Variants in ITPRID1 observed in about 807,000 individuals in gnomAD.
ITPRID1 encodes protein ITPRID1.
ITPRID1 carries 96 observed loss-of-function variants against 95.4 expected under a neutral mutation model. That is an observed-to-expected ratio of 1.01 (90% confidence interval 0.85 to 1.19). The LOEUF is 1.19. Ranked by LOEUF, ITPRID1 falls within the 50% of genes most tolerant of loss-of-function variation. The pLI, the probability that ITPRID1 is intolerant of heterozygous loss-of-function variation, is 0.00. For missense variants in ITPRID1, 1,339 were observed against 1,252.9 expected (o/e 1.07, Z -1.04); for synonymous variants, 510 against 453.6 (o/e 1.12, Z -1.58).
At chr7:31,614,936 C>CA (rs1157465124) in intron 10 of ITPRID1, among the ~76,000 whole-genome samples, 3 of 152,156 alleles carry the variant, frequency 2.0e-5, no homozygotes, top group Non-Finnish European at 4.4e-5. Context: ...CACCACACCT[C>CA]ACTGAGGGTC....
At chr7:31,521,620 C>T (rs217160) in intron 1 of ITPRID1, among the ~76,000 whole-genome samples, 5,664 of 69,568 alleles carry the variant, frequency 0.081, 448 homozygotes, top group South Asian at 0.17. Context: ...TCTCCTTTCC[C>T]TCCTTCCTTC....
intron 8 of ITPRID1, among the ~76,000 whole-genome samples, chr7:31,575,630 C>T (rs913640735): frequency 1.3e-5 from 2 of 152,132 alleles, no homozygotes; most frequent in Non-Finnish European, 2.9e-5. Context: ...TACAAAAGGC[C>T]TCTTGGAGAA....
At position 31,574,412 on chromosome 7, in the gene ITPRID1, C is replaced by T. The variant is rs866264014; in HGVS notation, c.396-128C>T. On this transcript the variant is annotated intron_variant, in intron 7 of 14. Coordinates refer to ENST00000615280, the MANE Select transcript of ITPRID1 (RefSeq NM_001257967.3). ...GTAAGTATATAGGAACGCTAGTGCACGCACCGTTTGTCTATTTAGGATCCT... is the reference window on the plus strand; with the variant it reads ...GTAAGTATATAGGAACGCTAGTGCATGCACCGTTTGTCTATTTAGGATCCT... 1.9e-4 allele frequency: 156 copies of T among 802,392 alleles called. No homozygotes were observed. In the Middle Eastern group the frequency reaches 5.6e-3, roughly 29 times the overall value. The allele number at this position is 802,392 out of a possible 1,614,324, so 49.7% of individuals were successfully genotyped here.
At chr7:31,529,051 C>T (rs1017444227) in intron 1 of ITPRID1, among the ~76,000 whole-genome samples, 1 of 152,144 alleles carries the variant, frequency 6.6e-6, no homozygotes, top group Non-Finnish European at 1.5e-5. Flanking sequence ...AATGTGAAAT[C>T]GTCTCATCTC....
chr7:31,645,818 A>G (rs1392045013), intron 12 of ITPRID1, among the ~76,000 whole-genome samples: 1 of 151,404 alleles, frequency 6.6e-6, no homozygotes, highest in Non-Finnish European at 1.5e-5. Flanking sequence ...AAAACATCCT[A>G]AAATACAGAG....
intron 1 of ITPRID1, among the ~76,000 whole-genome samples, chr7:31,524,758 CT>C (rs1196807989): frequency 1.3e-5 from 2 of 152,144 alleles, no homozygotes; most frequent in African/African-American, 4.8e-5. Context: ...CACCTATCCT[CT>C]GTTATCTTAG....
intron 12 of ITPRID1, among the ~76,000 whole-genome samples, chr7:31,649,685 C>T (rs1004147191): frequency 2.6e-5 from 4 of 152,094 alleles, no homozygotes; most frequent in African/African-American, 9.7e-5. Flanking sequence ...TACTCAAAGT[C>T]AAATGGTTAG....
At chr7:31,533,186 G>C (rs898136578) in intron 1 of ITPRID1, among the ~76,000 whole-genome samples, 1 of 152,034 alleles carries the variant, frequency 6.6e-6, no homozygotes, top group South Asian at 2.1e-4. Context: ...TTTCTTCAAT[G>C]CATATGAAGC....
At chr7:31,648,616 C>A (rs1790690258) in intron 12 of ITPRID1, among the ~76,000 whole-genome samples, 1 of 152,150 alleles carries the variant, frequency 6.6e-6, no homozygotes, top group African/African-American at 2.4e-5. Flanking sequence ...CCCAAAATAA[C>A]TACATGAGCA....
intron 13 of ITPRID1, among the ~76,000 whole-genome samples, chr7:31,651,694 T>G (rs954881784): frequency 6.6e-6 from 1 of 152,124 alleles, no homozygotes; most frequent in East Asian, 1.9e-4. Flanking sequence ...GATTACACAA[T>G]TTGGTAAATT....
At chr7:31,631,262 G>C (rs1238739839) in intron 10 of ITPRID1, among the ~76,000 whole-genome samples, 1 of 152,098 alleles carries the variant, frequency 6.6e-6, no homozygotes, top group South Asian at 2.1e-4. Context: ...GGGGCAAAAG[G>C]CATGTGCTCA....
chr7:31,658,008 G>A (rs535183771), downstream of ITPRID1, among the ~76,000 whole-genome samples: 8 of 152,206 alleles, frequency 5.3e-5, no homozygotes, highest in South Asian at 1.7e-3. Context: ...AAAGCCAAAA[G>A]CTTTGAATAG....
chr7:31,583,394 G>A (rs1785476493), intron 10 of ITPRID1, among the ~76,000 whole-genome samples: 1 of 152,172 alleles, frequency 6.6e-6, no homozygotes, highest in African/African-American at 2.4e-5. Context: ...GGGAGGCTGA[G>A]ACGTGGGGAT....
chr7:31,645,486 T>G (rs1035731299), intron 12 of ITPRID1, among the ~76,000 whole-genome samples: 6 of 152,100 alleles, frequency 3.9e-5, no homozygotes, highest in Non-Finnish European at 8.8e-5. Flanking sequence ...TTTCCAAAAG[T>G]TCAGTGGAAG....
chr7:31,610,860 T>G (rs1167060380), intron 10 of ITPRID1, among the ~76,000 whole-genome samples: 1 of 151,644 alleles, frequency 6.6e-6, no homozygotes, highest in African/African-American at 2.4e-5. Context: ...GAATTTAAAA[T>G]GTTTCTCTTG....
At chr7:31,561,568 T>C (rs1266001878) in intron 5 of ITPRID1, among the ~76,000 whole-genome samples, 3 of 152,220 alleles carry the variant, frequency 2.0e-5, no homozygotes, top group African/African-American at 7.2e-5. Flanking sequence ...CTGCAAAAGG[T>C]TGGACAGCTG....
At position 31,521,200 on chromosome 7, in the gene ITPRID1, G is replaced by A. The variant is rs542889672; in HGVS notation, c.-98+7080G>A. ...AGATCTTTCTTCTTTTCTAAAATAT[G>A]CATTTAATGCTATAACTTTCCCTCC... is the stretch of plus-strand genomic sequence containing the variant. On this transcript the variant is annotated intron_variant, in intron 1 of 14. Coordinates refer to ENST00000615280, the MANE Select transcript of ITPRID1 (RefSeq NM_001257967.3). 3.3e-5 allele frequency among the ~76,000 whole-genome samples: 5 copies of A among 151,742 alleles called. No homozygotes were observed. In the South Asian group the frequency reaches 6.3e-4, roughly 19 times the overall value.
At position 31,519,578 on chromosome 7, in the gene ITPRID1, A is replaced by C. The variant is rs1388034212; in HGVS notation, c.-98+5458A>C. On this transcript the variant is annotated intron_variant, in intron 1 of 14. Transcript: ENST00000615280. ...ATGCATATATGGTTCTATTTCTGGT[A>C]TCTCTCTCTCTCTCTCTCTCTCTCT... 3.7e-4 allele frequency among the ~76,000 whole-genome samples: 14 copies of C among 37,474 alleles called. No homozygotes were observed. In the South Asian group the frequency reaches 4.6e-3, roughly 12 times the overall value. The allele number at this position is 37,474 out of a possible 152,430, so 24.6% of individuals were successfully genotyped here. A position where few individuals can be genotyped will look rare whatever the true frequency, so the allele number is the denominator to read the frequency against.
intron 3 of ITPRID1, 61 bp downstream of exon 3, chr7:31,553,248 A>G: frequency 1.4e-6 from 2 of 1,466,352 alleles, no homozygotes; most frequent in Non-Finnish European, 9.1e-7. Context: ...GGGATGTGGG[A>G]GCTTTTGGCC....
Sources: gnomAD v4.1 joint callset for allele counts (sites outside exome capture counted in the v4.1 genomes callset) on GRCh38, gnomAD v4.1.1 for gene constraint, MANE v1.5 for transcripts, NCBI Gene and HGNC (gene_info 2026-07-23, HGNC 2026-07-21) for gene names.